PRICKLE2: variants seen among roughly 807,000 people sequenced by gnomAD.
PRICKLE2 encodes the protein prickle-like protein 2.
A neutral mutation model predicts 81.4 loss-of-function variants in PRICKLE2; 21 were observed. The ratio of observed to expected loss-of-function variants is 0.26; its 90% confidence interval spans 0.18 to 0.37. The LOEUF (loss-of-function observed/expected upper bound fraction) is 0.37. Ranked by LOEUF, PRICKLE2 falls within the 10% of genes least tolerant of loss-of-function variation. The probability of loss-of-function intolerance (pLI) is 1.00; values close to 1 mark genes in which losing one functional copy is unlikely to be tolerated. For synonymous variants in PRICKLE2, 456 were observed against 421.5 expected (o/e 1.08, Z -1.00); for missense variants, 940 against 1,109.0 (o/e 0.85, Z 2.16).
intron 7 of PRICKLE2, among the ~76,000 whole-genome samples, chr3:64,128,544 G>A (rs1040012253): frequency 6.6e-6 from 1 of 152,036 alleles, no homozygotes; most frequent in Admixed American, 6.6e-5. Context: ...TCAGGAGTTC[G>A]AGACCAGTCT....
At chr3:64,190,751 C>G (rs1390248176) in intron 2 of PRICKLE2, among the ~76,000 whole-genome samples, 1 of 152,172 alleles carries the variant, frequency 6.6e-6, no homozygotes, top group Non-Finnish European at 1.5e-5. Flanking sequence ...GGCAGAGAGG[C>G]CAAATCAAGG....
intron 2 of PRICKLE2, among the ~76,000 whole-genome samples, chr3:64,249,719 C>G (rs1380492375): frequency 1.3e-5 from 2 of 152,182 alleles, no homozygotes; most frequent in African/African-American, 4.8e-5. Flanking sequence ...TCCCTCTCAC[C>G]TTTTAAGGGC....
intron 2 of PRICKLE2, among the ~76,000 whole-genome samples, chr3:64,168,479 G>A (rs768649704): frequency 6.6e-6 from 1 of 152,208 alleles, no homozygotes; most frequent in Non-Finnish European, 1.5e-5. Context: ...TGTGGACCAC[G>A]GGTTGGACAA....
At chr3:64,243,033 G>A (rs1011037038) in intron 2 of PRICKLE2, among the ~76,000 whole-genome samples, 3 of 152,176 alleles carry the variant, frequency 2.0e-5, no homozygotes, top group African/African-American at 7.2e-5. Flanking sequence ...TGAGAGAGCA[G>A]GGATTTGGAC....
chr3:64,221,105 G>A (rs567820208), intron 1 of PRICKLE2, among the ~76,000 whole-genome samples: 75 of 149,582 alleles, frequency 5.0e-4, no homozygotes, highest in Non-Finnish European at 8.7e-4. Context: ...CACCCAAAGG[G>A]AACCTTCAGC....
intron 2 of PRICKLE2, among the ~76,000 whole-genome samples, chr3:64,256,350 G>A (rs573887535): frequency 5.2e-4 from 79 of 152,142 alleles, no homozygotes; most frequent in Middle Eastern, 3.4e-3. Context: ...CCTGTATTTC[G>A]GAAAGGTTAT....
intron 2 of PRICKLE2, among the ~76,000 whole-genome samples, chr3:64,251,956 C>G (rs2079452342): frequency 6.6e-6 from 1 of 152,148 alleles, no homozygotes; most frequent in Non-Finnish European, 1.5e-5. Flanking sequence ...GATGCACCAC[C>G]TAAGGATGGG....
chr3:64,173,238 T>G (rs1013771199), intron 2 of PRICKLE2, among the ~76,000 whole-genome samples: 3 of 152,204 alleles, frequency 2.0e-5, no homozygotes, highest in Non-Finnish European at 4.4e-5. Context: ...TTTGTAGCAT[T>G]TGCCAATTTC....
chr3:64,120,778 C>A (rs984374661), intron 7 of PRICKLE2, among the ~76,000 whole-genome samples: 5 of 152,100 alleles, frequency 3.3e-5, no homozygotes, highest in Non-Finnish European at 7.4e-5. Flanking sequence ...AGGGGCTGTA[C>A]CTGAGCATGC....
At position 64,153,139 on chromosome 3, in the gene PRICKLE2, C is replaced by T. The variant is rs372814851; in HGVS notation, c.787+43G>A. The T allele has an allele frequency of 2.9e-4, 458 of 1,564,014 alleles. 2 individuals are homozygous for T. The highest frequency in any genetic ancestry group is 2.2e-3 in the African/African-American group (165 of 73,966). ...TAACTACACCCAAAACAAAGGTGAC[C>T]GCATCACAGAAGGACCAAGCTGACT... On this transcript the variant is annotated intron_variant, in intron 6 of 7. Coordinates refer to ENST00000638394, the MANE Select transcript of PRICKLE2 (RefSeq NM_198859.4).
intron 2 of PRICKLE2, among the ~76,000 whole-genome samples, chr3:64,232,821 T>A (rs1371043433): frequency 6.6e-6 from 1 of 152,168 alleles, no homozygotes; most frequent in Non-Finnish European, 1.5e-5. Flanking sequence ...GCTATCTCAG[T>A]TAATGGCAAC....
chr3:64,203,666 T>C (rs2078628908), intron 1 of PRICKLE2, among the ~76,000 whole-genome samples: 1 of 151,508 alleles, frequency 6.6e-6, no homozygotes, highest in Admixed American at 6.6e-5. Context: ...CATCGACAAG[T>C]AGAAGGATAA....
intron 7 of PRICKLE2, among the ~76,000 whole-genome samples, chr3:64,126,635 T>G (rs950674861): frequency 6.6e-6 from 1 of 152,044 alleles, no homozygotes; most frequent in Admixed American, 6.5e-5. Flanking sequence ...TGGAGTGCAG[T>G]TGCATGATCT....
chr3:64,190,903 A>G (rs2107099345), intron 2 of PRICKLE2, among the ~76,000 whole-genome samples: 1 of 152,292 alleles, frequency 6.6e-6, no homozygotes, highest in South Asian at 2.1e-4. Flanking sequence ...AGGCTGCAGG[A>G]GATCTCAGGC....
chr3:64,209,095 A>G (rs2107132768), intron 1 of PRICKLE2, among the ~76,000 whole-genome samples: 1 of 152,190 alleles, frequency 6.6e-6, no homozygotes, highest in Admixed American at 6.5e-5. Context: ...ATACATATCT[A>G]TCCATCCATC....
At chr3:64,208,212 C>T (rs1296838596) in intron 1 of PRICKLE2, among the ~76,000 whole-genome samples, 2 of 152,174 alleles carry the variant, frequency 1.3e-5, no homozygotes, top group African/African-American at 4.8e-5. Context: ...AAGGCATTCC[C>T]CGGTTGTGTT....
chr3:64,135,722 ACG>A (rs1376024928), intron 7 of PRICKLE2, among the ~76,000 whole-genome samples: 11 of 148,164 alleles, frequency 7.4e-5, no homozygotes, highest in Admixed American at 1.3e-4. Flanking sequence ...ACACACACAC[ACG>A]CACACACACC....
intron 7 of PRICKLE2, among the ~76,000 whole-genome samples, chr3:64,136,065 A>G (rs56161921): frequency 0.13 from 20,159 of 152,134 alleles, 1,529 homozygotes; most frequent in East Asian, 0.31. Flanking sequence ...TAAGATATGT[A>G]TCATCCACAT....
chr3:64,171,709 G>T (rs150793028), intron 2 of PRICKLE2, among the ~76,000 whole-genome samples: 2 of 152,306 alleles, frequency 1.3e-5, no homozygotes, highest in South Asian at 4.1e-4. Context: ...TACAGCAAGA[G>T]AATAAACAAG....
Sources: gnomAD v4.1 joint callset for allele counts (sites outside exome capture counted in the v4.1 genomes callset) on GRCh38, gnomAD v4.1.1 for gene constraint, MANE v1.5 for transcripts, NCBI Gene and HGNC (gene_info 2026-07-23, HGNC 2026-07-21) for gene names.